STS: variants seen among roughly 807,000 people sequenced by gnomAD.
The protein encoded by STS is steryl-sulfatase.
STS carries 7 observed loss-of-function variants against 26.8 expected under a neutral mutation model. The ratio of observed to expected loss-of-function variants is 0.26; its 90% CI spans 0.15 to 0.49. STS has a LOEUF of 0.49. Among genes scored for constraint, STS ranks in the 20% least tolerant of loss-of-function variants. STS has a pLI of 0.98. For missense variants in STS, 434 were observed against 465.6 expected, an observed-to-expected ratio of 0.93 and a Z score of 0.63; for synonymous variants, 199 against 189.4, an observed-to-expected ratio of 1.05 and a Z score of -0.42.
intron 7 of STS, among the ~76,000 whole-genome samples, chrX:7,291,489 G>C (rs146515803): frequency 8.9e-6 from 1 of 112,370 alleles, no homozygotes; most frequent in East Asian, 2.8e-4. Context: ...AATGGATCTT[G>C]TTCATTGGGT....
intron 7 of STS, among the ~76,000 whole-genome samples, chrX:7,282,292 C>T (rs767443641): frequency 2.7e-5 from 3 of 112,186 alleles, no homozygotes; most frequent in Non-Finnish European, 5.6e-5. Context: ...CCTCGACTTC[C>T]TGGGCTCAAG....
intron 1 of STS, among the ~76,000 whole-genome samples, chrX:7,187,656 A>T (rs1263787217): frequency 1.8e-5 from 2 of 112,242 alleles, no homozygotes; most frequent in African/African-American, 6.5e-5. Flanking sequence ...TTAAACCTGA[A>T]GTCACAACAA....
At chrX:7,219,735 A>C (rs890502910) in intron 2 of STS, 3 of 1,190,103 alleles carry the variant, frequency 2.5e-6, no homozygotes, top group Middle Eastern at 2.3e-4. Flanking sequence ...ACCCTGAAAC[A>C]TACTAGTTGG....
chrX:7,287,408 T>G (rs1231591375), intron 7 of STS, among the ~76,000 whole-genome samples: 2 of 111,371 alleles, frequency 1.8e-5, no homozygotes, highest in Non-Finnish European at 3.8e-5. Flanking sequence ...CACCCCTAAA[T>G]AGGCAGCATC....
Position 7,175,756 on chromosome X carries a change from T to A in STS, c.-133-15124T>A, listed in dbSNP as rs544987983. On this transcript the variant is annotated intron_variant, in intron 1 of 10. Transcript: ENST00000674429. ...TCTCTTTTCTAGATTGACTGTGCCTTCAGTACTTCCTCGCTCAATCAGTGG... is the reference window on the plus strand; with the variant it reads ...TCTCTTTTCTAGATTGACTGTGCCTACAGTACTTCCTCGCTCAATCAGTGG... Among the ~76,000 whole-genome samples the A allele has an allele frequency of 8.9e-5, 10 of 111,894 alleles. No homozygotes were observed. In the South Asian group the frequency reaches 3.8e-3, roughly 42 times the overall value.
At chrX:7,306,300 C>T (rs1264445893) in intron 8 of STS, among the ~76,000 whole-genome samples, 1 of 110,459 alleles carries the variant, frequency 9.1e-6, no homozygotes, top group Non-Finnish European at 1.9e-5. Context: ...TGATATGATA[C>T]CTAAAAGGGT....
At chrX:7,176,197 T>C (rs1337967413) in intron 1 of STS, among the ~76,000 whole-genome samples, 1 of 111,781 alleles carries the variant, frequency 8.9e-6, no homozygotes, top group Non-Finnish European at 1.9e-5. Flanking sequence ...CACTCTTCGG[T>C]AATTTGGCCA....
chrX:7,161,968 C>G (rs922725689), intron 1 of STS, among the ~76,000 whole-genome samples: 10 of 111,384 alleles, frequency 9.0e-5, no homozygotes, highest in African/African-American at 2.9e-4. Flanking sequence ...AGACAGAAAT[C>G]TAAAAGCTTT....
At chrX:7,309,799 AG>A (rs1443109103) in intron 8 of STS, among the ~76,000 whole-genome samples, 1 of 111,575 alleles carries the variant, frequency 9.0e-6, no homozygotes, top group Non-Finnish European at 1.9e-5. Context: ...ATGACTTTGC[AG>A]TATGATTATT....
At chrX:7,285,155 C>T (rs1176364051) in intron 7 of STS, among the ~76,000 whole-genome samples, 2 of 111,097 alleles carry the variant, frequency 1.8e-5, no homozygotes, top group Non-Finnish European at 3.8e-5. Flanking sequence ...GTCAATTTTA[C>T]AAGAAGTATA....
Position 7,152,861 on chromosome X carries a change from G to A in STS, c.-134+4778G>A, listed in dbSNP as rs193079772. Among the ~76,000 whole-genome samples the A allele has an allele frequency of 1.2e-4, 13 of 112,769 alleles. No individual in the cohort carries two copies. In the East Asian group the frequency reaches 2.2e-3, roughly 19 times the overall value. Reference sequence around the variant, plus strand: ...ATGCCTATGAAAATAATAAAATGTAGCTTCCAGTTAATAACAAGAAAGTAG... The same window carrying A: ...ATGCCTATGAAAATAATAAAATGTAACTTCCAGTTAATAACAAGAAAGTAG... On this transcript the variant is annotated intron_variant, in intron 1 of 10. Coordinates refer to ENST00000674429, the MANE Select transcript of STS (RefSeq NM_001320752.2).
intron 6 of STS, among the ~76,000 whole-genome samples, chrX:7,268,036 C>T (rs10126658): frequency 0.013 from 1,411 of 110,236 alleles, 25 homozygotes; most frequent in African/African-American, 0.044. Context: ...GTAAACCCTG[C>T]TCCCTGACAA....
chrX:7,253,040 A>G (rs1316396342), intron 2 of STS, among the ~76,000 whole-genome samples, 156 bp from the exon 3 acceptor site: 1 of 111,279 alleles, frequency 9.0e-6, no homozygotes, highest in African/African-American at 3.3e-5. Flanking sequence ...AGTCCCAGGT[A>G]CTTGGGAGGC....
chrX:7,171,585 A>G lies in STS; in HGVS notation c.-133-19295A>G, dbSNP rs1216928970. On this transcript the variant is annotated intron_variant, in intron 1 of 10. Coordinates refer to ENST00000674429, the MANE Select transcript of STS (RefSeq NM_001320752.2). ...TCCCACGTCCTCACCATCAACAAAC[A>G]CAATTGCACCCAGCCGATAAATGAT... is the stretch of plus-strand genomic sequence containing the variant. Among the ~76,000 whole-genome samples the G allele has an allele frequency of 3.0e-4, 34 of 111,909 alleles. 1 individual carries two copies. The Admixed American group carries it at 3.2e-3, about 11-fold the overall frequency.
chrX:7,231,899 G>A (rs1274512305), intron 2 of STS, among the ~76,000 whole-genome samples: 1 of 100,689 alleles, frequency 9.9e-6, no homozygotes, highest in Non-Finnish European at 2.0e-5. Flanking sequence ...CTGCACCACC[G>A]ACCGCAGATA....
chrX:7,329,895 A>ATTG lies in STS; in HGVS notation c.1242-4070_1242-4068dup, dbSNP rs753872705. Among the ~76,000 whole-genome samples the ATTG allele has an allele frequency of 2.8e-3, 315 of 111,469 alleles. 1 individual carries two copies. Among genetic ancestry groups the ATTG allele is most frequent in the African/African-American group, 9.5e-3 (292 of 30,716 alleles). On this transcript the variant is annotated intron_variant, in intron 9 of 10. Coordinates refer to ENST00000674429, the MANE Select transcript of STS (RefSeq NM_001320752.2). ...GGTAGTCCGGAGGAACACAGGAAAG[A>ATTG]TTGTTGTTGTTGTTGTTGTTGTTCT...
In STS at chrX:7,211,319, C is replaced by T. The variant is rs532855922; in HGVS notation, c.-5+20311C>T. Reference sequence around the variant, plus strand: ...CAGGATGAAATCAGGGTGCCAGCTACGTTGTGTTCTCCCCTGAGCCTCCCG... The same window carrying T: ...CAGGATGAAATCAGGGTGCCAGCTATGTTGTGTTCTCCCCTGAGCCTCCCG... On this transcript the variant is annotated intron_variant, in intron 2 of 10. Transcript: ENST00000674429. Among the ~76,000 whole-genome samples the T allele has an allele frequency of 8.2e-4, 91 of 111,638 alleles. No homozygotes were observed. In the South Asian group the frequency reaches 8.3e-3, roughly 10 times the overall value.
intron 1 of STS, among the ~76,000 whole-genome samples, chrX:7,163,985 AT>A (rs746514044): frequency 9.1e-6 from 1 of 109,784 alleles, no homozygotes; most frequent in African/African-American, 3.3e-5. Flanking sequence ...TGCTCAGCTA[AT>A]TTTTTTTTGT....
chrX:7,267,030 C>A (rs928770437), intron 6 of STS, among the ~76,000 whole-genome samples: 1 of 112,222 alleles, frequency 8.9e-6, no homozygotes, highest in Non-Finnish European at 1.9e-5. Flanking sequence ...ATGAACAAAG[C>A]TCCACAGGTA....
Sources: allele counts gnomAD v4.1 joint callset (sites outside exome capture counted in the v4.1 genomes callset), GRCh38; gene constraint gnomAD v4.1.1; transcripts MANE v1.5; gene names NCBI Gene and HGNC (gene_info 2026-07-23, HGNC 2026-07-21).